PLCB1: variants seen among roughly 807,000 people sequenced by gnomAD.
PLCB1 encodes the protein phospholipase C beta 1, also known as 1-phosphatidylinositol 4,5-bisphosphate phosphodiesterase beta-1.
A neutral mutation model predicts 161.8 loss-of-function variants in PLCB1; 46 were observed. That is an observed-to-expected ratio of 0.28 (90% CI 0.22 to 0.36). The LOEUF (loss-of-function observed/expected upper bound fraction) is 0.36. PLCB1 is among the 10% of genes least tolerant of loss of function. PLCB1 has a pLI of 1.00. For synonymous variants in PLCB1, 517 were observed against 503.7 expected (o/e 1.03, Z -0.35); for missense variants, 1,016 against 1,472.5 (o/e 0.69, Z 5.07).
intron 11 of PLCB1, among the ~76,000 whole-genome samples, chr20:8,704,133 A>T (rs1978529027): frequency 6.6e-6 from 1 of 152,148 alleles, no homozygotes; most frequent in Non-Finnish European, 1.5e-5. Flanking sequence ...GCAGGCAGAT[A>T]ACTTGAGGTC....
At chr20:8,358,000 T>C (rs192058024) in intron 2 of PLCB1, among the ~76,000 whole-genome samples, 22 of 150,778 alleles carry the variant, frequency 1.5e-4, no homozygotes, top group African/African-American at 3.0e-4. Flanking sequence ...TTTTAGGGGA[T>C]AATGTTGTCA....
intron 2 of PLCB1, among the ~76,000 whole-genome samples, chr20:8,237,778 T>A (rs1980401844): frequency 6.6e-6 from 1 of 152,206 alleles, no homozygotes; most frequent in African/African-American, 2.4e-5. Flanking sequence ...ATGGGATTAA[T>A]TAGCTAACTA....
At chr20:8,750,848 G>A (rs78979354) in intron 23 of PLCB1, 36 of 1,365,362 alleles carry the variant, frequency 2.6e-5, no homozygotes, top group African/African-American at 2.1e-4. Flanking sequence ...CCCGTAATAC[G>A]CTGGAAAAAC....
intron 2 of PLCB1, among the ~76,000 whole-genome samples, chr20:8,310,948 C>G (rs565371768): frequency 6.6e-6 from 1 of 152,086 alleles, no homozygotes; most frequent in Non-Finnish European, 1.5e-5. Context: ...ATATGCACCC[C>G]CACTGATGGG....
chr20:8,221,474 A>C (rs1979404466), intron 2 of PLCB1, among the ~76,000 whole-genome samples: 1 of 152,170 alleles, frequency 6.6e-6, no homozygotes, highest in African/African-American at 2.4e-5. Context: ...CTTGAACCTT[A>C]CAATTTCTTT....
intron 3 of PLCB1, among the ~76,000 whole-genome samples, chr20:8,518,800 GTAGA>G (rs542476644): frequency 1.1e-3 from 169 of 152,056 alleles, no homozygotes; most frequent in African/African-American, 3.9e-3. Flanking sequence ...TCACCATAAT[GTAGA>G]ATCAATGGGA....
chr20:8,235,053 A>G (rs970516115), intron 2 of PLCB1, among the ~76,000 whole-genome samples: 1 of 152,126 alleles, frequency 6.6e-6, no homozygotes, highest in Non-Finnish European at 1.5e-5. Flanking sequence ...ACAGAGCACC[A>G]TGTTGCCTAA....
chr20:8,280,186 A>C (rs1227420078), intron 2 of PLCB1, among the ~76,000 whole-genome samples: 1 of 151,940 alleles, frequency 6.6e-6, no homozygotes, highest in Admixed American at 6.6e-5. Context: ...AAATACAAAA[A>C]TTAGCTGGGC....
intron 2 of PLCB1, among the ~76,000 whole-genome samples, chr20:8,241,945 A>G (rs1476116853): frequency 6.6e-6 from 1 of 152,094 alleles, no homozygotes; most frequent in East Asian, 2.0e-4. Context: ...TGGTACACAC[A>G]TGCTTTCACT....
intron 12 of PLCB1, among the ~76,000 whole-genome samples, chr20:8,712,199 G>A (rs1431294958): frequency 6.6e-6 from 1 of 152,094 alleles, no homozygotes; most frequent in Non-Finnish European, 1.5e-5. Context: ...GGAGGCTGAG[G>A]CAGGAGAATC....
At chr20:8,518,587 C>G (rs974756238) in intron 3 of PLCB1, among the ~76,000 whole-genome samples, 6 of 152,098 alleles carry the variant, frequency 3.9e-5, no homozygotes, top group African/African-American at 1.4e-4. Context: ...ATTTATCCAT[C>G]CTGTACTTAT....
chr20:8,734,837 T>G (rs1347319165), intron 19 of PLCB1, among the ~76,000 whole-genome samples: 1 of 151,786 alleles, frequency 6.6e-6, no homozygotes, highest in Non-Finnish European at 1.5e-5. Context: ...TTGATTAACC[T>G]TAAACAAAGG....
intron 24 of PLCB1, among the ~76,000 whole-genome samples, chr20:8,758,609 C>T (rs1056082363): frequency 6.6e-6 from 1 of 151,670 alleles, no homozygotes; most frequent in Non-Finnish European, 1.5e-5. Flanking sequence ...TTGCCAAAGT[C>T]AATAATAGTA....
intron 1 of PLCB1, among the ~76,000 whole-genome samples, chr20:8,135,066 A>G (rs889936873): frequency 6.6e-6 from 1 of 152,102 alleles, no homozygotes; most frequent in Admixed American, 6.5e-5. Context: ...GCCCTTCCAG[A>G]ATCAAGCCAG....
At chr20:8,657,022 ACCT>A (rs1339015802) in intron 7 of PLCB1, among the ~76,000 whole-genome samples, 159 bp from the exon 8 acceptor site, 1 of 151,782 alleles carries the variant, frequency 6.6e-6, no homozygotes, top group Non-Finnish European at 1.5e-5. Flanking sequence ...GTTTACCCTG[ACCT>A]CCTAGAAGAA....
chr20:8,677,630 C>A (rs1286221980), intron 9 of PLCB1, among the ~76,000 whole-genome samples: 1 of 151,930 alleles, frequency 6.6e-6, no homozygotes, highest in Non-Finnish European at 1.5e-5. Context: ...GGGACAAAAA[C>A]CAAAACAAAA....
At chr20:8,340,605 T>C (rs965362696) in intron 2 of PLCB1, among the ~76,000 whole-genome samples, 5 of 151,890 alleles carry the variant, frequency 3.3e-5, no homozygotes, top group African/African-American at 1.2e-4. Context: ...TTGTGTTTTT[T>C]AGTAGAGACG....
intron 31 of PLCB1, among the ~76,000 whole-genome samples, chr20:8,816,121 G>T (rs754162028): frequency 7.3e-5 from 11 of 149,934 alleles, no homozygotes; most frequent in Non-Finnish European, 1.5e-4. Context: ...GGAAGGAACT[G>T]ATCTTTCAGA....
At chr20:8,160,943 C>G (rs1306868103) in intron 2 of PLCB1, among the ~76,000 whole-genome samples, 1 of 152,058 alleles carries the variant, frequency 6.6e-6, no homozygotes, top group Non-Finnish European at 1.5e-5. Context: ...GAACAACTGA[C>G]TTATTAGGAC....
Sources: allele counts gnomAD v4.1 joint callset (sites outside exome capture counted in the v4.1 genomes callset), GRCh38; gene constraint gnomAD v4.1.1; transcripts MANE v1.5; gene names NCBI Gene and HGNC (gene_info 2026-07-23, HGNC 2026-07-21).